Variants in MORN3 observed in about 807,000 individuals in gnomAD.
MORN3 encodes the protein MORN repeat-containing protein 3.
Under a neutral mutation model 34.7 loss-of-function variants are expected in MORN3, and 38 were observed. That is an observed-to-expected ratio of 1.10 (90% CI 0.85 to 1.44). MORN3 has a LOEUF of 1.44. Among genes scored for constraint, MORN3 ranks in the 40% most tolerant of loss-of-function variants. MORN3 has a pLI of 0.00. For synonymous variants in MORN3, 109 were observed against 115.3 expected (o/e 0.95, Z 0.35); for missense variants, 311 against 321.7 (o/e 0.97, Z 0.25).
chr12:121,667,197 G>A (rs1448092184), intron 1 of MORN3, among the ~76,000 whole-genome samples: 7 of 151,636 alleles, frequency 4.6e-5, no homozygotes, highest in Non-Finnish European at 8.8e-5. Flanking sequence ...CCTGACCTCA[G>A]GCGATATGCC....
In MORN3 at chr12:121,652,726, A is replaced by C. The variant is rs1893287720; in HGVS notation, c.*6+2T>G. On this transcript the variant is annotated splice_donor_variant, in intron 5 of 5. Transcript: ENST00000355329. LOFTEE classifies it low-confidence loss of function (3UTR_SPLICE). ...AACTTGGCAGGTGTGCCCACCCCTC[A>C]CCTGGCATCAATCTCCTTCCTCTGT... The C allele has an allele frequency of 1.2e-6, 2 of 1,613,952 alleles. No homozygotes were observed. Among genetic ancestry groups the C allele is most frequent in the Non-Finnish European group, 1.7e-6 (2 of 1,179,886 alleles).
intron 4 of MORN3, 41 bp from the exon 5 acceptor site, chr12:121,652,849 G>A (rs1046798217): frequency 8.7e-6 from 14 of 1,604,884 alleles, no homozygotes; most frequent in African/African-American, 1.3e-5. Context: ...AGAGCATGGA[G>A]GACCCAGGCT....
chr12:121,667,663 A>T (rs1053407882), intron 1 of MORN3, among the ~76,000 whole-genome samples: 1 of 149,850 alleles, frequency 6.7e-6, no homozygotes, highest in African/African-American at 2.5e-5. Context: ...TGGTCCTGCC[A>T]CCTTCTATGC....
At chr12:121,670,561 C>A (rs1313032538), upstream of MORN3, among the ~76,000 whole-genome samples, 1 of 152,132 alleles carries the variant, frequency 6.6e-6, no homozygotes, top group Non-Finnish European at 1.5e-5. Context: ...GTAATCCCAG[C>A]ACTTTGGGAG....
Position 121,669,563 on chromosome 12 carries a change from G to A in MORN3, c.-80C>T, listed in dbSNP as rs568171802. 108 of 1,574,714 alleles carry A rather than the reference G, an allele frequency of 6.9e-5. 1 individual carries two copies. The African/African-American group carries it at 7.7e-4, about 11-fold the overall frequency. ...GGCTCAGCGCGCCCCGTGTAATGCC[G>A]GGATCCTGAGCTCAAGTGGGGAGAG... On this transcript the variant is annotated 5_prime_UTR_variant, in exon 1 of 6. Transcript: ENST00000355329.
chr12:121,659,899 A>G (rs1202482864), intron 1 of MORN3, among the ~76,000 whole-genome samples: 4 of 151,394 alleles, frequency 2.6e-5, no homozygotes, highest in Non-Finnish European at 5.9e-5. Flanking sequence ...GAGCTGCAGG[A>G]GGGCACAGAC....
At chr12:121,667,718 CTT>C (rs869040121) in intron 1 of MORN3, among the ~76,000 whole-genome samples, 2 of 144,684 alleles carry the variant, frequency 1.4e-5, no homozygotes, top group African/African-American at 2.5e-5. Context: ...TCCTCCAAGT[CTT>C]TTTTTTTTTC....
chr12:121,657,535 T>C (rs1555325800), intron 2 of MORN3, among the ~76,000 whole-genome samples: 2 of 152,060 alleles, frequency 1.3e-5, no homozygotes, highest in East Asian at 3.9e-4. Flanking sequence ...CCTTAAAAAC[T>C]CTGCAGCCAG....
rs1256054165 is a variant in MORN3, at chr12:121,651,924, GTTTGTTTGTTTGTTTA to G, written c.*7-296_*7-281del. Among the ~76,000 whole-genome samples the G allele has an allele frequency of 4.2e-5, 6 of 141,874 alleles. No individual in the cohort carries two copies. In the South Asian group the frequency reaches 8.5e-4, roughly 20 times the overall value. The allele number at this position is 141,874 out of a possible 152,430, so 93.1% of individuals were successfully genotyped here. Reference sequence around the variant, plus strand: ...GAATGCACTGGTCTTCAGTGAAATGGTTTGTTTGTTTGTTTATTTGTTTGTTTGTTTGTTTTTTGAG... The same window carrying G: ...GAATGCACTGGTCTTCAGTGAAATGGTTTGTTTGTTTGTTTGTTTTTTGAG... On this transcript the variant is annotated intron_variant, in intron 5 of 5. Transcript: ENST00000355329.
chr12:121,661,119 C>T (rs117520253), intron 1 of MORN3, among the ~76,000 whole-genome samples: 2,115 of 152,082 alleles, frequency 0.014, 39 homozygotes, highest in East Asian at 0.092. Context: ...CTACACCTGG[C>T]TAATTTTTTA....
chr12:121,669,184 G>A (rs1380302408), intron 1 of MORN3, among the ~76,000 whole-genome samples, 155 bp downstream of exon 1: 1 of 152,214 alleles, frequency 6.6e-6, no homozygotes, highest in Non-Finnish European at 1.5e-5. Flanking sequence ...CCCAGCATGT[G>A]AAGGCCCCCA....
At chr12:121,671,134 G>A (rs1423782319), upstream of MORN3, among the ~76,000 whole-genome samples, 9 of 137,620 alleles carry the variant, frequency 6.5e-5, no homozygotes, top group East Asian at 1.8e-3. Context: ...AAGACTGGGC[G>A]CGGTGGCTCA....
At chr12:121,666,495 C>T (rs1376429932) in intron 1 of MORN3, among the ~76,000 whole-genome samples, 1 of 152,132 alleles carries the variant, frequency 6.6e-6, no homozygotes, top group Admixed American at 6.6e-5. Flanking sequence ...CAGAGCACAA[C>T]TCTGTCTCAA....
intron 1 of MORN3, 144 bp from the exon 2 acceptor site, chr12:121,659,492 C>T (rs1893516437): frequency 7.0e-6 from 5 of 715,580 alleles, no homozygotes; most frequent in Non-Finnish European, 9.2e-6. Flanking sequence ...CACCAAGTAC[C>T]CAGGAGAAGG....
intron 1 of MORN3, among the ~76,000 whole-genome samples, chr12:121,660,639 G>A (rs192699976): frequency 2.7e-5 from 4 of 146,812 alleles, no homozygotes; most frequent in South Asian, 2.2e-4. Context: ...ATGAGCCACC[G>A]CACCCGGCCT....
chr12:121,651,936 GTTTA>G (rs1273032854), intron 5 of MORN3, among the ~76,000 whole-genome samples: 25 of 151,538 alleles, frequency 1.6e-4, no homozygotes, highest in East Asian at 7.8e-4. Context: ...TTGTTTGTTT[GTTTA>G]TTTGTTTGTT....
Position 121,648,778 on chromosome 12 carries a change from A to G in MORN3, c.*2873T>C, listed in dbSNP as rs1369405901. The G allele has an allele frequency of 6.6e-6, 1 of 152,148 alleles. No individual in the cohort carries two copies. The highest frequency in any genetic ancestry group is 1.5e-5 in the Non-Finnish European group (1 of 68,038). 9.4% of individuals were successfully genotyped at this position (152,148 alleles called of 1,614,324 possible). ...TCATTTTTATTTACATTTTGAATAC[A>G]TAATACATTCACATGGTTCCAAACA... On this transcript the variant is annotated 3_prime_UTR_variant, in exon 6 of 6. Coordinates refer to ENST00000355329, the MANE Select transcript of MORN3 (RefSeq NM_173855.5).
chr12:121,659,135 GCGCACACA>G (rs1036790938), intron 2 of MORN3, 48 bp downstream of exon 2: 9 of 1,283,120 alleles, frequency 7.0e-6, no homozygotes, highest in Admixed American at 2.2e-5. Context: ...ACACACACGC[GCGCACACA>G]CACACACACA....
Position 121,654,324 on chromosome 12 carries a change from T to G in MORN3, c.413A>C (p.Glu138Ala). ...RMYYSNGDIYEGQWENDKPNG... is the reference protein window; with the variant it reads ...RMYYSNGDIYAGQWENDKPNG... ...GGGCTTGTCGTTCTCCCACTGTCCC[T>G]CGTAGATGTCGCCGTTGCTGTAATA... is the stretch of plus-strand genomic sequence containing the variant. The change falls in exon 3 of 6, where the codon GAG becomes GCG. Residue 138 changes from glutamate to alanine, a missense_variant. Transcript: ENST00000355329. 1 of 1,602,494 alleles carries G rather than the reference T, an allele frequency of 6.2e-7. No individual in the cohort carries two copies. Among genetic ancestry groups the G allele is most frequent in the Non-Finnish European group, 8.5e-7 (1 of 1,175,332 alleles).
Sources: allele counts gnomAD v4.1 joint callset (sites outside exome capture counted in the v4.1 genomes callset), GRCh38; gene constraint gnomAD v4.1.1; transcripts MANE v1.5; gene names NCBI Gene and HGNC (gene_info 2026-07-23, HGNC 2026-07-21).